SVOP: variants seen among roughly 807,000 people sequenced by gnomAD.
SVOP encodes the protein SV2 related protein.
Under a neutral mutation model 69.1 loss-of-function variants are expected in SVOP, and 17 were observed. That is an observed-to-expected ratio of 0.25 (90% CI 0.17 to 0.37). SVOP has a LOEUF of 0.37. Among genes scored for constraint, SVOP ranks in the 10% least tolerant of loss-of-function variants. The probability of loss-of-function intolerance (pLI) is 1.00; values close to 1 mark genes in which losing one functional copy is unlikely to be tolerated. For synonymous variants in SVOP, 238 were observed against 238.6 expected (o/e 1.00, Z 0.02); for missense variants, 435 against 597.5 (o/e 0.73, Z 2.84).
At position 108,937,250 on chromosome 12, in the gene SVOP, C is replaced by G; in HGVS notation, c.971+14G>C. On this transcript the variant is annotated intron_variant, in intron 10 of 15. Transcript: ENST00000610966. ...AGTGGAAAGGGGTCAAAGTGGTCAA[C>G]AAACAGCTCTTACCATATAAACCAC... 1 of 1,613,926 alleles carries G rather than the reference C, an allele frequency of 6.2e-7. No individual in the cohort carries two copies. The highest frequency in any genetic ancestry group is 8.5e-7 in the Non-Finnish European group (1 of 1,179,808).
At chr12:108,994,926 A>T (rs1174477948) in intron 1 of SVOP, among the ~76,000 whole-genome samples, 1 of 152,176 alleles carries the variant, frequency 6.6e-6, no homozygotes, top group Non-Finnish European at 1.5e-5. Context: ...TGCTTGATCA[A>T]GCCCAGGAGT....
chr12:108,944,373 C>T (rs1169513921), intron 7 of SVOP, among the ~76,000 whole-genome samples: 6 of 152,038 alleles, frequency 3.9e-5, no homozygotes, highest in Non-Finnish European at 7.4e-5. Flanking sequence ...TGGAGCATCA[C>T]CCTAATTGGT....
At chr12:108,957,701 G>A (rs1292613886) in intron 6 of SVOP, among the ~76,000 whole-genome samples, 1 of 152,242 alleles carries the variant, frequency 6.6e-6, no homozygotes, top group Non-Finnish European at 1.5e-5. Flanking sequence ...AAGCGCAGCA[G>A]CTATGGCCTA....
At chr12:108,942,506 G>C (rs2039897022) in intron 7 of SVOP, among the ~76,000 whole-genome samples, 1 of 152,208 alleles carries the variant, frequency 6.6e-6, no homozygotes, top group African/African-American at 2.4e-5. Flanking sequence ...GCTTCCCACT[G>C]GGTGCAGCCA....
chr12:108,963,729 A>T (rs1000632365), intron 5 of SVOP, among the ~76,000 whole-genome samples: 3 of 151,916 alleles, frequency 2.0e-5, no homozygotes, highest in Non-Finnish European at 4.4e-5. Context: ...CTGGTCTCGA[A>T]CTCCTGGACT....
chr12:108,954,250 G>C (rs2039973517), intron 6 of SVOP, among the ~76,000 whole-genome samples: 1 of 151,648 alleles, frequency 6.6e-6, no homozygotes, highest in Admixed American at 6.6e-5. Flanking sequence ...TTTCTACAAA[G>C]CTCCAGCTTT....
At chr12:108,964,415 G>A (rs1188528749) in intron 5 of SVOP, among the ~76,000 whole-genome samples, 1 of 151,750 alleles carries the variant, frequency 6.6e-6, no homozygotes, top group South Asian at 2.1e-4. Context: ...TGGAATCCAA[G>A]GAGTCTTGAA....
At chr12:109,013,146 G>A (rs1002071758) in intron 1 of SVOP, among the ~76,000 whole-genome samples, 1 of 152,180 alleles carries the variant, frequency 6.6e-6, no homozygotes, top group African/African-American at 2.4e-5. Flanking sequence ...GAATCCAGTA[G>A]TAGGTGAAAC....
chr12:108,941,003 T>C, intron 7 of SVOP, 94 bp from the exon 8 acceptor site: 1 of 1,459,312 alleles, frequency 6.9e-7, no homozygotes, highest in South Asian at 1.3e-5. Context: ...TCTCTGTGGG[T>C]AAGGGGTCAT....
intron 5 of SVOP, among the ~76,000 whole-genome samples, chr12:108,970,147 G>A (rs1399817100): frequency 6.6e-6 from 1 of 152,214 alleles, no homozygotes; most frequent in East Asian, 1.9e-4. Flanking sequence ...GGATGCAGCT[G>A]GAGTCTGCAT....
At chr12:108,915,569 T>C (rs2039708360) in intron 15 of SVOP, among the ~76,000 whole-genome samples, 1 of 152,252 alleles carries the variant, frequency 6.6e-6, no homozygotes, top group South Asian at 2.1e-4. Flanking sequence ...GATTGGCTAC[T>C]TTCCAGCTGC....
At chr12:108,977,792 A>C (rs1427498175) in intron 3 of SVOP, among the ~76,000 whole-genome samples, 1 of 81,410 alleles carries the variant, frequency 1.2e-5, no homozygotes, top group Non-Finnish European at 2.9e-5. Flanking sequence ...CTAAAATCTG[A>C]GAAAAAAACA....
chr12:108,967,833 A>G (rs1480285521), intron 5 of SVOP, among the ~76,000 whole-genome samples: 1 of 152,186 alleles, frequency 6.6e-6, no homozygotes, highest in Admixed American at 6.5e-5. Flanking sequence ...TGAACTGAGA[A>G]CTACTATTTT....
intron 2 of SVOP, among the ~76,000 whole-genome samples, chr12:108,982,909 T>TATC (rs1402695256): frequency 0.31 from 40,638 of 131,388 alleles, 7,073 homozygotes; most frequent in African/African-American, 0.42. Flanking sequence ...TTGCCATCCT[T>TATC]ATCATCTTTC....
chr12:108,985,497 C>T (rs2040161689), intron 1 of SVOP, among the ~76,000 whole-genome samples: 1 of 151,828 alleles, frequency 6.6e-6, no homozygotes, highest in Admixed American at 6.6e-5. Flanking sequence ...CATGGCAAAA[C>T]CCCATCTCTA....
In SVOP at chr12:108,912,536, T is replaced by C; in HGVS notation, c.1646A>G (p.Ter549TrpextTer1). ...ACCAGCTCAGTCCCCCATCGGTCAC[T>C]ATTCCTGAGAGCCAGAGTTCGACCT... ...VTRSNSGSQE[*>W] is the part of the protein sequence containing the mutation. Residue 549 changes from the stop codon to tryptophan, a stop_lost, in exon 16 of 16, where the codon TAG becomes TGG. Coordinates refer to ENST00000610966, the MANE Select transcript of SVOP (RefSeq NM_018711.5). 6.2e-7 allele frequency: 1 copy of C among 1,613,754 alleles called. No individual in the cohort carries two copies. Among genetic ancestry groups the C allele is most frequent in the East Asian group, 2.2e-5 (1 of 44,880 alleles).
chr12:109,019,508 T>G (rs1010617100), intron 1 of SVOP, among the ~76,000 whole-genome samples: 1 of 152,206 alleles, frequency 6.6e-6, no homozygotes, highest in African/African-American at 2.4e-5. Context: ...AAATTATTTT[T>G]TATTGGGGGT....
intron 5 of SVOP, among the ~76,000 whole-genome samples, chr12:108,968,999 G>T (rs578138129): frequency 1.4e-4 from 22 of 152,142 alleles, no homozygotes; most frequent in African/African-American, 4.8e-4. Flanking sequence ...TCGCCATGTT[G>T]CCTAGGCTGG....
intron 1 of SVOP, among the ~76,000 whole-genome samples, chr12:109,003,988 A>G (rs2040290122): frequency 6.6e-6 from 1 of 152,194 alleles, no homozygotes; most frequent in South Asian, 2.1e-4. Context: ...TGTTTATTAA[A>G]GTTTGTTTTG....
Sources: gnomAD v4.1 joint callset for allele counts (sites outside exome capture counted in the v4.1 genomes callset) on GRCh38, gnomAD v4.1.1 for gene constraint, MANE v1.5 for transcripts, NCBI Gene and HGNC (gene_info 2026-07-23, HGNC 2026-07-21) for gene names.